BOC: variants seen among roughly 807,000 people sequenced by gnomAD.
BOC encodes the protein BOC cell adhesion associated, oncogene regulated, also known as brother of CDO.
BOC carries 76 observed loss-of-function variants against 112.0 expected under a neutral mutation model. The observed-to-expected ratio is 0.68, with a 90% CI of 0.56 to 0.82. The LOEUF is 0.82. Among genes scored for constraint, BOC ranks in the 40% least tolerant of loss-of-function variants. The pLI, the probability that BOC is intolerant of heterozygous loss-of-function variation, is 0.00. For missense variants in BOC, 1,309 were observed against 1,511.7 expected (o/e 0.87, Z 2.22); for synonymous variants, 580 against 599.8 (o/e 0.97, Z 0.48).
At chr3:113,233,913 G>A (rs987870346) in intron 2 of BOC, among the ~76,000 whole-genome samples, 6 of 149,232 alleles carry the variant, frequency 4.0e-5, no homozygotes, top group Non-Finnish European at 8.9e-5. Context: ...AGATAGGAAC[G>A]GGAATATCAG....
At position 113,273,084 on chromosome 3, in the gene BOC, C is replaced by A. The variant is rs879025887; in HGVS notation, c.977C>A (p.Thr326Asn). ...NVQVFEPPEV[T>N]MELSQLVIPW... ...TTCCTGGCAGAACCCCCTGAGGTCA[C>A]CATGGAGCTATCCCAGCTGGTCATC... The change falls in exon 8 of 20, where the codon ACC (threonine) becomes AAC (asparagine). Residue 326 changes from threonine to asparagine, a missense_variant. Physicochemically the swap from Thr to Asn is moderately conservative, Grantham distance 65 (BLOSUM62 0). Transcript: ENST00000682979. The A allele has an allele frequency of 6.2e-7, 1 of 1,605,060 alleles. No individual in the cohort carries two copies. The highest frequency in any genetic ancestry group is 8.5e-7 in the Non-Finnish European group (1 of 1,172,818).
At position 113,278,555 on chromosome 3, in the gene BOC, T is replaced by C; in HGVS notation, c.1706-118T>C. The stretch of plus-strand genomic sequence containing the variant: ...GAGCCCACACCCTCAGTGCCCCGGA[T>C]GCTTATTTGCATCACTTTGTCATGC... On this transcript the variant is annotated intron_variant, in intron 10 of 19. Transcript: ENST00000682979. The surrounding 1 kb of genome is among the most constrained non-coding windows in gnomAD (Gnocchi z 4.2). 2.2e-6 allele frequency: 2 copies of C among 918,864 alleles called. No homozygotes were observed. The highest frequency in any genetic ancestry group is 2.7e-5 in the East Asian group (1 of 37,726). 56.9% of individuals were successfully genotyped at this position (918,864 alleles called of 1,614,324 possible). A position where few individuals can be genotyped will look rare whatever the true frequency, so the allele number is the denominator to read the frequency against.
At chr3:113,265,019 C>T (rs980184597) in intron 4 of BOC, among the ~76,000 whole-genome samples, 1 of 152,196 alleles carries the variant, frequency 6.6e-6, no homozygotes, top group Non-Finnish European at 1.5e-5. Flanking sequence ...GCATGGCTGA[C>T]CAGTGCCCAG....
At chr3:113,216,124 A>G in intron 1 of BOC, 63 bp from the exon 2 acceptor site, 2 of 404,474 alleles carry the variant, frequency 4.9e-6, no homozygotes, top group Non-Finnish European at 1.0e-5. Flanking sequence ...CACCTTGTAA[A>G]AAGCAAATAC....
intron 4 of BOC, among the ~76,000 whole-genome samples, chr3:113,268,017 G>A (rs1198244670): frequency 1.3e-5 from 2 of 152,124 alleles, no homozygotes; most frequent in Non-Finnish European, 1.5e-5. Context: ...CCACATCTCA[G>A]TGTAACAGAT....
chr3:113,243,201 CT>C (rs1247348661), intron 2 of BOC, among the ~76,000 whole-genome samples: 1 of 152,112 alleles, frequency 6.6e-6, no homozygotes, highest in East Asian at 1.9e-4. Flanking sequence ...TACAAAGAAA[CT>C]GGGTTGAAGA....
intron 2 of BOC, among the ~76,000 whole-genome samples, chr3:113,233,743 G>A (rs1333545924): frequency 1.3e-5 from 2 of 152,112 alleles, no homozygotes; most frequent in Non-Finnish European, 1.5e-5. Context: ...CCTGCCCATC[G>A]AATGGAATTG....
chr3:113,250,873 C>T, intron 4 of BOC, 40 bp downstream of exon 4: 3 of 1,605,072 alleles, frequency 1.9e-6, no homozygotes, highest in South Asian at 1.1e-5. Context: ...GGTGCGGTCC[C>T]TCCTCATCTC....
At chr3:113,264,506 A>G (rs1045695012) in intron 4 of BOC, among the ~76,000 whole-genome samples, 7 of 152,182 alleles carry the variant, frequency 4.6e-5, no homozygotes, top group African/African-American at 7.2e-5. Flanking sequence ...TGAGCAGCCT[A>G]GGGACTCGGC....
At position 113,285,519 on chromosome 3, in the gene BOC, C is replaced by T. The variant is rs144450810; in HGVS notation, c.3114C>T (p.Pro1038=). ...AVGQSGVRRA[P]DSPVLEAVWD... ...GCCAGTCAGGGGTGAGGAGAGCCCC[C>T]GACAGTCCTGTCCTGGAAGCAGTGT... The change falls in exon 19 of 20, where the codon CCC becomes CCT. Residue 1038 remains proline, a synonymous_variant. Transcript: ENST00000682979. 113 of 1,611,646 alleles carry T rather than the reference C, an allele frequency of 7.0e-5. No individual in the cohort carries two copies. The highest frequency in any genetic ancestry group is 5.3e-4 in the African/African-American group (40 of 75,052).
intron 4 of BOC, among the ~76,000 whole-genome samples, chr3:113,258,769 T>C (rs1443981596): frequency 6.6e-6 from 1 of 151,938 alleles, no homozygotes; most frequent in Non-Finnish European, 1.5e-5. Flanking sequence ...GGGAATGGAG[T>C]TGGAAAAGGA....
chr3:113,230,632 CAT>C (rs576073898), intron 2 of BOC, among the ~76,000 whole-genome samples: 24 of 152,288 alleles, frequency 1.6e-4, no homozygotes, highest in African/African-American at 5.8e-4. Context: ...TTATCTTGCA[CAT>C]GTTAATTCAA....
In BOC at chr3:113,287,153, CA is replaced by C. The variant is rs1949765367; in HGVS notation, c.*292del. On this transcript the variant is annotated 3_prime_UTR_variant, in exon 20 of 20. Coordinates refer to ENST00000682979, the MANE Select transcript of BOC (RefSeq NM_001378074.1). Reference sequence around the variant, plus strand: ...TCCTAACCTGGGGCCTCTGCAGTGGCAGGCGAGGCTGCAGGAGGCCCACAGA... The same window carrying C: ...TCCTAACCTGGGGCCTCTGCAGTGGCGGCGAGGCTGCAGGAGGCCCACAGA... 9.1e-6 allele frequency: 4 copies of C among 439,952 alleles called. No homozygotes were observed. The highest frequency in any genetic ancestry group is 5.1e-5 in the South Asian group (3 of 58,442). The allele number at this position is 439,952 out of a possible 1,614,324, so 27.3% of individuals were successfully genotyped here.
intron 2 of BOC, among the ~76,000 whole-genome samples, chr3:113,239,852 G>A (rs1944059041): frequency 6.6e-6 from 1 of 152,130 alleles, no homozygotes; most frequent in South Asian, 2.1e-4. Flanking sequence ...GAAATATGCT[G>A]GGTCACAGTA....
In BOC at chr3:113,273,305, G is replaced by A. The variant is rs761303691; in HGVS notation, c.1198G>A (p.Ala400Thr). The A allele has an allele frequency of 9.4e-6, 15 of 1,599,148 alleles. No individual in the cohort carries two copies. The highest frequency in any genetic ancestry group is 2.2e-5 in the East Asian group (1 of 44,458). Residue 400 changes from alanine to threonine, a missense_variant, in exon 8 of 20, where the codon GCC becomes ACC. Coordinates refer to ENST00000682979, the MANE Select transcript of BOC (RefSeq NM_001378074.1). Reference sequence around the variant, plus strand: ...CATGGCCGAGAACGAGGTTGGGAGCGCCCATGCCGTAGTCCAGCTGCGGAC... The same window carrying A: ...CATGGCCGAGAACGAGGTTGGGAGCACCCATGCCGTAGTCCAGCTGCGGAC... Reference protein sequence around the residue: ...QCMAENEVGSAHAVVQLRTSR... With the variant: ...QCMAENEVGSTHAVVQLRTSR...
chr3:113,236,127 G>A (rs1943400635), intron 2 of BOC, among the ~76,000 whole-genome samples: 1 of 150,422 alleles, frequency 6.6e-6, no homozygotes. Flanking sequence ...GTTTATAGCA[G>A]CACTATATCA....
In BOC at chr3:113,233,145, T is replaced by TGGGGG. The variant is rs1553725800; in HGVS notation, c.-81-16573_-81-16572insGGGGG. Among the ~76,000 whole-genome samples the TGGGGG allele has an allele frequency of 5.9e-3, 490 of 82,790 alleles. 10 individuals are homozygous for TGGGGG. Among genetic ancestry groups the TGGGGG allele is most frequent in the African/African-American group, 0.018 (460 of 24,968 alleles). The allele number at this position is 82,790 out of a possible 152,430, so 54.3% of individuals were successfully genotyped here. On this transcript the variant is annotated intron_variant, in intron 2 of 19. Transcript: ENST00000682979. ...AAGCATGCATGAGCATGTAAAGGAT[T>TGGGGG]GGGGTGTGTGTGTGTGTGTGTGTGT...
At chr3:113,232,593 A>G (rs971012410) in intron 2 of BOC, among the ~76,000 whole-genome samples, 5 of 148,932 alleles carry the variant, frequency 3.4e-5, no homozygotes, top group Non-Finnish European at 7.5e-5. Context: ...GTGTGTGTGC[A>G]CACGTGCACA....
At chr3:113,275,599 A>T (rs1362055382) in intron 9 of BOC, among the ~76,000 whole-genome samples, 2 of 152,226 alleles carry the variant, frequency 1.3e-5, no homozygotes, top group East Asian at 3.8e-4. Context: ...TGGTTTTTTA[A>T]AAATTGTATG....
Sources: allele counts gnomAD v4.1 joint callset (sites outside exome capture counted in the v4.1 genomes callset), GRCh38; gene constraint gnomAD v4.1.1; non-coding constraint Gnocchi (gnomAD v3.1); transcripts MANE v1.5; gene names NCBI Gene and HGNC (gene_info 2026-07-23, HGNC 2026-07-21).